Variants in NRXN3 observed in about 807,000 individuals in gnomAD.
The protein encoded by NRXN3 is neurexin 3.
Under a neutral mutation model 137.6 loss-of-function variants are expected in NRXN3, and 32 were observed. That is an observed-to-expected ratio of 0.23 (90% CI 0.18 to 0.31). The LOEUF is 0.31. Among genes scored for constraint, NRXN3 ranks in the 10% least tolerant of loss-of-function variants. The pLI is 1.00. For synonymous variants in NRXN3, 798 were observed against 784.5 expected (o/e 1.02, Z -0.29); for missense variants, 1,574 against 2,062.5 (o/e 0.76, Z 4.59).
At chr14:79,005,653 A>C (rs1286716482) in intron 15 of NRXN3, among the ~76,000 whole-genome samples, 1 of 152,174 alleles carries the variant, frequency 6.6e-6, no homozygotes. Flanking sequence ...CTCTTCCCCA[A>C]CGTGCCCTAA....
chr14:79,776,897 A>C (rs919732016), intron 19 of NRXN3, among the ~76,000 whole-genome samples: 6 of 152,202 alleles, frequency 3.9e-5, no homozygotes, highest in African/African-American at 1.2e-4. Flanking sequence ...TTGGTTGTTC[A>C]TCTGATTCAA....
chr14:79,363,664 T>C (rs1172893788), intron 15 of NRXN3, among the ~76,000 whole-genome samples: 1 of 151,982 alleles, frequency 6.6e-6, no homozygotes, highest in East Asian at 1.9e-4. Flanking sequence ...CCTTTACAAT[T>C]ATAATTTTAT....
intron 6 of NRXN3, chr14:78,698,080 T>A (rs1289256487): frequency 6.6e-6 from 1 of 151,496 alleles, no homozygotes. Flanking sequence ...TATAAATTAG[T>A]GGGCTTGACA....
At chr14:79,860,923 G>T (rs2141949637) in intron 20 of NRXN3, 1 of 669,700 alleles carries the variant, frequency 1.5e-6, no homozygotes, top group South Asian at 4.2e-5. Flanking sequence ...ACTCCATCCA[G>T]AAAAGATCCA....
At chr14:78,364,083 T>C (rs1385214181) in intron 4 of NRXN3, among the ~76,000 whole-genome samples, 6 of 152,270 alleles carry the variant, frequency 3.9e-5, no homozygotes, top group Admixed American at 3.9e-4. Flanking sequence ...CCAGTCATAC[T>C]GCCTGCCAGT....
At chr14:78,417,106 C>T (rs2153670996) in intron 4 of NRXN3, among the ~76,000 whole-genome samples, 1 of 152,316 alleles carries the variant, frequency 6.6e-6, no homozygotes, top group Non-Finnish European at 1.5e-5. Context: ...GCAAGGTCAA[C>T]TATGCTGGCC....
intron 15 of NRXN3, among the ~76,000 whole-genome samples, chr14:79,018,298 AGAGAG>A: frequency 1.0e-4 from 1 of 9,770 alleles, no homozygotes; most frequent in African/African-American, 1.6e-4. Context: ...AAAAAAAAAG[AGAGAG>A]AGCAAGAAGA....
chr14:78,993,358 A>G (rs1231330073), intron 15 of NRXN3, among the ~76,000 whole-genome samples: 1 of 152,204 alleles, frequency 6.6e-6, no homozygotes, highest in Non-Finnish European at 1.5e-5. Flanking sequence ...TCTTGGGTCC[A>G]TATAGGTACA....
intron 4 of NRXN3, among the ~76,000 whole-genome samples, chr14:78,601,538 C>A (rs138786648): frequency 8.4e-4 from 128 of 151,858 alleles, no homozygotes; most frequent in African/African-American, 2.9e-3. Context: ...CTGCAAGCTC[C>A]GTCTCCTGGG....
At chr14:78,701,048 G>C (rs2098273429) in intron 6 of NRXN3, among the ~76,000 whole-genome samples, 1 of 152,146 alleles carries the variant, frequency 6.6e-6, no homozygotes, top group African/African-American at 2.4e-5. Flanking sequence ...GGGATTACAG[G>C]CGTGAGCCAC....
chr14:79,376,061 ATATC>A (rs1428635943), intron 15 of NRXN3, among the ~76,000 whole-genome samples: 1 of 127,664 alleles, frequency 7.8e-6, no homozygotes, highest in African/African-American at 2.6e-5. Context: ...TAAGTAATAT[ATATC>A]TCTCACAAAT....
chr14:78,646,841 A>G (rs2097693030), intron 5 of NRXN3, among the ~76,000 whole-genome samples: 1 of 152,206 alleles, frequency 6.6e-6, no homozygotes, highest in Non-Finnish European at 1.5e-5. Context: ...CTTACCCAGG[A>G]GAGAACGTCT....
chr14:78,845,624 G>C (rs774219677), intron 10 of NRXN3, among the ~76,000 whole-genome samples: 53 of 151,950 alleles, frequency 3.5e-4, no homozygotes, highest in Non-Finnish European at 6.2e-4. Context: ...AAGTTGATGT[G>C]TAGGTGACAA....
intron 15 of NRXN3, among the ~76,000 whole-genome samples, chr14:79,143,146 CA>C (rs2058974260): frequency 6.6e-6 from 1 of 152,142 alleles, no homozygotes; most frequent in Non-Finnish European, 1.5e-5. Flanking sequence ...CAAAAACAGT[CA>C]AGCCTTTCTC....
At chr14:78,921,197 T>C (rs1039707057) in intron 10 of NRXN3, among the ~76,000 whole-genome samples, 2 of 152,160 alleles carry the variant, frequency 1.3e-5, no homozygotes, top group Non-Finnish European at 2.9e-5. Context: ...TTTAGGAGCT[T>C]TGTGCCAGGA....
At chr14:78,706,855 C>G (rs780695597) in intron 6 of NRXN3, among the ~76,000 whole-genome samples, 1 of 152,142 alleles carries the variant, frequency 6.6e-6, no homozygotes, top group African/African-American at 2.4e-5. Context: ...ATGCAAACAG[C>G]TTTGCTTGAT....
chr14:79,318,853 G>A (rs2089434223), intron 15 of NRXN3, among the ~76,000 whole-genome samples: 1 of 151,930 alleles, frequency 6.6e-6, no homozygotes. Context: ...TTAATTTCTT[G>A]CCTCATTACT....
At chr14:78,642,543 A>G (rs544995209) in intron 4 of NRXN3, among the ~76,000 whole-genome samples, 1 of 152,218 alleles carries the variant, frequency 6.6e-6, no homozygotes, top group Non-Finnish European at 1.5e-5. Flanking sequence ...ACAAGGTATA[A>G]CTTAAATGTT....
chr14:79,661,404 G>A (rs1009011928), intron 16 of NRXN3, among the ~76,000 whole-genome samples: 3 of 152,020 alleles, frequency 2.0e-5, no homozygotes, highest in Admixed American at 1.3e-4. Context: ...TATATTCCTC[G>A]CTTCTAAGAT....
Sources: gnomAD v4.1 joint callset for allele counts (sites outside exome capture counted in the v4.1 genomes callset) on GRCh38, gnomAD v4.1.1 for gene constraint, MANE v1.5 for transcripts, NCBI Gene and HGNC (gene_info 2026-07-23, HGNC 2026-07-21) for gene names.